MTX3: variants seen among roughly 807,000 people sequenced by gnomAD.
The protein encoded by MTX3 is metaxin-3.
A neutral mutation model predicts 42.5 loss-of-function variants in MTX3; 27 were observed. The ratio of observed to expected loss-of-function variants is 0.64; its 90% confidence interval spans 0.47 to 0.88. The LOEUF (loss-of-function observed/expected upper bound fraction) is 0.88, where lower values mean the gene tolerates loss of function less well. Among genes scored for constraint, MTX3 ranks in the 40% least tolerant of loss-of-function variants. MTX3 has a pLI of 0.00. For synonymous variants in MTX3, 144 were observed against 132.9 expected (o/e 1.08, Z -0.57); for missense variants, 378 against 367.0 (o/e 1.03, Z -0.25).
At chr5:79,983,895 A>C in intron 8 of MTX3, 101 bp from the exon 9 acceptor site, 4 of 706,918 alleles carry the variant, frequency 5.7e-6, no homozygotes, top group Non-Finnish European at 9.8e-6. Flanking sequence ...GTACAGAACC[A>C]TATGTTTCCT....
intron 1 of MTX3, 103 bp downstream of exon 1, chr5:79,991,055 G>A: frequency 1.7e-6 from 2 of 1,188,380 alleles, no homozygotes; most frequent in Non-Finnish European, 2.4e-6. Context: ...CAGCGGCTCG[G>A]CCCTCCTGGA....
intron 6 of MTX3, 115 bp downstream of exon 6, chr5:79,988,124 G>GTT: frequency 4.3e-6 from 3 of 692,354 alleles, no homozygotes; most frequent in Non-Finnish European, 7.5e-6. Flanking sequence ...CCTAAATCTT[G>GTT]TTTTTTTTAA....
At position 79,980,211 on chromosome 5, in the gene MTX3, A is replaced by T. The variant is rs1831341301; in HGVS notation, c.*3473T>A. 1 of 152,178 alleles carries T rather than the reference A, an allele frequency of 6.6e-6. No homozygotes were observed. The allele number at this position is 152,178 out of a possible 1,614,324, so 9.4% of individuals were successfully genotyped here. On this transcript the variant is annotated 3_prime_UTR_variant, in exon 9 of 9. Transcript: ENST00000512528. Reference sequence around the variant, plus strand: ...ACTACCAAGTTCAAGTACCACTTTTATCACATGCAGCTGCCTTAACCAACA... The same window carrying T: ...ACTACCAAGTTCAAGTACCACTTTTTTCACATGCAGCTGCCTTAACCAACA...
Position 79,990,587 on chromosome 5 carries a change from A to C in MTX3, c.151+7T>G. On this transcript the variant is annotated splice_region_variant and intron_variant, in intron 2 of 8. Coordinates refer to ENST00000512528, the MANE Select transcript of MTX3 (RefSeq NM_001363818.2). ...CAGAAAGGGGAGTGTAAAGGTTTAC[A>C]CTATACCTCTTGAACCTCTCCAGGT... is the stretch of plus-strand genomic sequence containing the variant. 6.3e-7 allele frequency: 1 copy of C among 1,588,026 alleles called. No individual in the cohort carries two copies. Among genetic ancestry groups the C allele is most frequent in the Non-Finnish European group, 8.6e-7 (1 of 1,163,416 alleles).
chr5:79,988,189 C>T (rs367941404), intron 6 of MTX3, 50 bp downstream of exon 6: 555 of 1,041,868 alleles, frequency 5.3e-4, no homozygotes, highest in Non-Finnish European at 7.5e-4. Flanking sequence ...TAGCTGCTCA[C>T]TGAATATATG....
At chr5:79,988,876 AT>A (rs1490190423) in intron 4 of MTX3, among the ~76,000 whole-genome samples, 1 of 145,380 alleles carries the variant, frequency 6.9e-6, no homozygotes, top group Non-Finnish European at 1.6e-5. Flanking sequence ...TTCAATAAAC[AT>A]TTGTTGAATG....
chr5:79,986,041 T>C (rs1370987), intron 7 of MTX3, among the ~76,000 whole-genome samples: 91,572 of 151,588 alleles, frequency 0.6, 27,804 homozygotes, highest in South Asian at 0.66. Context: ...TCTGGATAGT[T>C]TTCTAAGGCA....
At position 79,977,821 on chromosome 5, in the gene MTX3, T is replaced by A. The variant is rs1360719795; in HGVS notation, c.*5863A>T. 1 of 152,270 alleles carries A rather than the reference T, an allele frequency of 6.6e-6. No homozygotes were observed. Among genetic ancestry groups the A allele is most frequent in the Non-Finnish European group, 1.5e-5 (1 of 68,052 alleles). The allele number at this position is 152,270 out of a possible 1,614,324, so 9.4% of individuals were successfully genotyped here. A position where few individuals can be genotyped will look rare whatever the true frequency, so the allele number is the denominator to read the frequency against. The stretch of plus-strand genomic sequence containing the variant: ...CTGAGCAACTATAAGCTTTCTATGA[T>A]GTATGTATCATACTAGCTTGTATGT... On this transcript the variant is annotated 3_prime_UTR_variant, in exon 9 of 9. Transcript: ENST00000512528.
At chr5:79,984,206 C>G (rs1202891522) in intron 8 of MTX3, among the ~76,000 whole-genome samples, 2 of 152,134 alleles carry the variant, frequency 1.3e-5, no homozygotes, top group Non-Finnish European at 2.9e-5. Flanking sequence ...CAGACACAGA[C>G]CTTCTCTGTT....
In MTX3 at chr5:79,983,718, T is replaced by C. The variant is rs1213371835; in HGVS notation, c.905A>G (p.Glu302Gly). The C allele has an allele frequency of 2.5e-6, 4 of 1,613,858 alleles. No homozygotes were observed. In the East Asian group the frequency reaches 8.9e-5, roughly 36 times the overall value. The change falls in exon 9 of 9, where the codon GAA (glutamate) becomes GGA (glycine). Residue 302 changes from glutamate to glycine, a missense_variant. Transcript: ENST00000512528. ...AAGCCGTTGGAAGGAATTATTTTCTTCTTCTGCTGGAGTCAATTTAAGTGT... is the reference window on the plus strand; with the variant it reads ...AAGCCGTTGGAAGGAATTATTTTCTCCTTCTGCTGGAGTCAATTTAAGTGT... ...LPTLKLTPAE[E>G]ENNSFQRLSP
At position 79,990,486 on chromosome 5, in the gene MTX3, C is replaced by G. The variant is rs1333801078; in HGVS notation, c.151+108G>C. 5.2e-6 allele frequency: 4 copies of G among 774,248 alleles called. No individual in the cohort carries two copies. In the African/African-American group the frequency reaches 7.1e-5, roughly 14 times the overall value. The allele number at this position is 774,248 out of a possible 1,614,324, so 48.0% of individuals were successfully genotyped here. A position where few individuals can be genotyped will look rare whatever the true frequency, so the allele number is the denominator to read the frequency against. On this transcript the variant is annotated intron_variant, in intron 2 of 8. Transcript: ENST00000512528. ...ACCATAAACAACACAGAGCCAAGGT[C>G]ACGGTAAGAAACTAAATCCTCAATA...
Position 79,977,530 on chromosome 5 carries a change from C to T in MTX3, c.*6154G>A, listed in dbSNP as rs1831277107. On this transcript the variant is annotated 3_prime_UTR_variant, in exon 9 of 9. Coordinates refer to ENST00000512528, the MANE Select transcript of MTX3 (RefSeq NM_001363818.2). ...CCACAGGCGAGCTTTCTCTCAAATA[C>T]ACATTCAAAATGGTGTTCCAAATAA... 6.6e-6 allele frequency: 1 copy of T among 152,242 alleles called. No individual in the cohort carries two copies. The highest frequency in any genetic ancestry group is 1.5e-5 in the Non-Finnish European group (1 of 68,048). The allele number at this position is 152,242 out of a possible 1,614,324, so 9.4% of individuals were successfully genotyped here.
Position 79,990,158 on chromosome 5 carries a change from A to G in MTX3, c.228+2T>C. ...TCTACTTCTTCAAAGTGAACCACCC[A>G]CCTGTTTTCTTAAAAAGTTTAGTAT... is the stretch of plus-strand genomic sequence containing the variant. On this transcript the variant is annotated splice_donor_variant, in intron 3 of 8. Transcript: ENST00000512528. LOFTEE classifies it high-confidence loss of function. 1 of 1,599,496 alleles carries G rather than the reference A, an allele frequency of 6.3e-7. No individual in the cohort carries two copies. The highest frequency in any genetic ancestry group is 8.5e-7 in the Non-Finnish European group (1 of 1,170,184).
chr5:79,989,201 T>C lies in MTX3; in HGVS notation c.272A>G (p.Asp91Gly). The C allele has an allele frequency of 6.2e-7, 1 of 1,609,244 alleles. No homozygotes were observed. The highest frequency in any genetic ancestry group is 8.5e-7 in the Non-Finnish European group (1 of 1,177,666). Residue 91 changes from aspartate to glycine, a missense_variant, in exon 4 of 9, where the codon GAT becomes GGT. Physicochemically the swap from Asp to Gly is moderately conservative, Grantham distance 94 (BLOSUM62 -1). Coordinates refer to ENST00000512528, the MANE Select transcript of MTX3 (RefSeq NM_001363818.2). Reference protein sequence around the residue: ...DYELSAKQGADTLAYIALLEE... With the variant: ...DYELSAKQGAGTLAYIALLEE... ...GAGGAGAGCAATATAAGCCAATGTATCTGCCCCTTGTTTTGCTGAGAGTTC... is the reference window on the plus strand; with the variant it reads ...GAGGAGAGCAATATAAGCCAATGTACCTGCCCCTTGTTTTGCTGAGAGTTC...
chr5:79,984,886 G>A (rs770640384), intron 8 of MTX3, among the ~76,000 whole-genome samples: 7 of 152,224 alleles, frequency 4.6e-5, no homozygotes, highest in Non-Finnish European at 1.0e-4. Flanking sequence ...AGAACACGGT[G>A]CTGTTAATAA....
At position 79,985,584 on chromosome 5, in the gene MTX3, T is replaced by C. The variant is rs780989112; in HGVS notation, c.815A>G (p.Asn272Ser). 2.5e-6 allele frequency: 4 copies of C among 1,609,668 alleles called. No individual in the cohort carries two copies. The highest frequency in any genetic ancestry group is 1.7e-6 in the Non-Finnish European group (2 of 1,176,378). ...AGTAGACTTGACCTTTTCAATCAAG[T>C]TGGATTCCTTATTTACAAGTTGTGT... ...KLTQLVNKES[N>S]LIEKMDDNLR... Residue 272 changes from asparagine (N) to serine (S), a missense_variant, in exon 8 of 9, where the codon AAC becomes AGC. Transcript: ENST00000512528.
chr5:79,988,401 C>A (rs952627725), intron 5 of MTX3, 61 bp downstream of exon 5: 1 of 1,558,524 alleles, frequency 6.4e-7, no homozygotes, highest in Non-Finnish European at 8.8e-7. Context: ...AAACTCAAGT[C>A]TGCATTTTAT....
In MTX3 at chr5:79,990,107, A is replaced by G. The variant is rs564210850; in HGVS notation, c.228+53T>C. The G allele has an allele frequency of 3.6e-6, 4 of 1,112,960 alleles. No individual in the cohort carries two copies. In the South Asian group the frequency reaches 6.2e-5, roughly 17 times the overall value. The allele number at this position is 1,112,960 out of a possible 1,614,324, so 68.9% of individuals were successfully genotyped here. A position where few individuals can be genotyped will look rare whatever the true frequency, so the allele number is the denominator to read the frequency against. ...AAATAAATAAATAAAATAAAGCCCA[A>G]CATGCAGGGATCAACAATCTACCAA... On this transcript the variant is annotated intron_variant, in intron 3 of 8. Coordinates refer to ENST00000512528, the MANE Select transcript of MTX3 (RefSeq NM_001363818.2).
At chr5:79,985,076 G>A (rs951442582) in intron 8 of MTX3, among the ~76,000 whole-genome samples, 4 of 152,086 alleles carry the variant, frequency 2.6e-5, no homozygotes, top group Non-Finnish European at 4.4e-5. Flanking sequence ...CCGCCTCCCG[G>A]GTTCATGCCA....
Sources: gnomAD v4.1 joint callset for allele counts (sites outside exome capture counted in the v4.1 genomes callset) on GRCh38, gnomAD v4.1.1 for gene constraint, MANE v1.5 for transcripts, NCBI Gene and HGNC (gene_info 2026-07-23, HGNC 2026-07-21) for gene names.